Variants in KPNA5 observed in about 807,000 individuals in gnomAD.
KPNA5 encodes karyopherin subunit alpha 5, also known as importin subunit alpha-6.
Under a neutral mutation model 71.3 loss-of-function variants are expected in KPNA5, and 46 were observed. The observed-to-expected ratio is 0.65, with a 90% CI of 0.51 to 0.83. The LOEUF (loss-of-function observed/expected upper bound fraction) is 0.83, where lower values mean the gene tolerates loss of function less well. Among genes scored for constraint, KPNA5 ranks in the 40% least tolerant of loss-of-function variants. The pLI is 0.00. For synonymous variants in KPNA5, 207 were observed against 201.4 expected (o/e 1.03, Z -0.24); for missense variants, 547 against 628.3 (o/e 0.87, Z 1.38).
rs537374263 is a variant in KPNA5 at position 116,701,714 on chromosome 6, CAGG to C, written c.436-302_436-300del. ...GAATGCTTGCCTCTGTAATAATAAA[CAGG>C]AGTTTTATGCATTATAAATTCAAAG... On this transcript the variant is annotated intron_variant, in intron 5 of 13. Coordinates refer to ENST00000368564, the MANE Select transcript of KPNA5 (RefSeq NM_001366306.2). Among the ~76,000 whole-genome samples the C allele has an allele frequency of 1.9e-3, 286 of 152,182 alleles. 1 individual carries two copies. The highest frequency in any genetic ancestry group is 6.1e-3 in the African/African-American group (254 of 41,538).
rs537217610 is a variant in KPNA5 at position 116,681,232 on chromosome 6, C to G, written c.-103C>G. ...CGCCATCTTGGATTGCGAACTGGGT[C>G]GCTACGCTTCACGCCAGGGGCGGAG... On this transcript the variant is annotated 5_prime_UTR_variant, in exon 1 of 14. Coordinates refer to ENST00000368564, the MANE Select transcript of KPNA5 (RefSeq NM_001366306.2). 8 of 1,510,422 alleles carry G rather than the reference C, an allele frequency of 5.3e-6. No homozygotes were observed. The highest frequency in any genetic ancestry group is 6.4e-6 in the Non-Finnish European group (7 of 1,097,416). The allele number at this position is 1,510,422 out of a possible 1,614,324, so 93.6% of individuals were successfully genotyped here.
chr6:116,682,612 G>T (rs1161060681), intron 1 of KPNA5, among the ~76,000 whole-genome samples: 1 of 152,080 alleles, frequency 6.6e-6, no homozygotes, highest in Non-Finnish European at 1.5e-5. Flanking sequence ...GGAAATGAAG[G>T]CTTTACTGGC....
chr6:116,688,966 C>A (rs1038930719), intron 1 of KPNA5, among the ~76,000 whole-genome samples: 1 of 151,714 alleles, frequency 6.6e-6, no homozygotes, highest in African/African-American at 2.4e-5. Flanking sequence ...TTTTTTTAAC[C>A]CAAATAATTC....
In KPNA5 at chr6:116,741,018, A is replaced by G. The variant is rs967143896; in HGVS notation, c.*8695A>G. On this transcript the variant is annotated 3_prime_UTR_variant, in exon 14 of 14. Transcript: ENST00000368564. ...ATAAAAAAAAAAGAAATGTACTTTTAAATTTCAGACCTTAAAAATATGCCA... is the reference window on the plus strand; with the variant it reads ...ATAAAAAAAAAAGAAATGTACTTTTGAATTTCAGACCTTAAAAATATGCCA... 4.1e-5 allele frequency: 6 copies of G among 145,000 alleles called. No homozygotes were observed. The highest frequency in any genetic ancestry group is 7.6e-5 in the Non-Finnish European group (5 of 66,184). The allele number at this position is 145,000 out of a possible 1,614,324, so 9.0% of individuals were successfully genotyped here. A position where few individuals can be genotyped will look rare whatever the true frequency, so the allele number is the denominator to read the frequency against.
rs1227937903 is a variant in KPNA5 at position 116,740,520 on chromosome 6, T to C, written c.*8197T>C. The stretch of plus-strand genomic sequence containing the variant: ...TATATACCCAAAGGAATATAAATCA[T>C]GCTGCTATAAAGACACATGCACACA... On this transcript the variant is annotated 3_prime_UTR_variant, in exon 14 of 14. Coordinates refer to ENST00000368564, the MANE Select transcript of KPNA5 (RefSeq NM_001366306.2). The C allele has an allele frequency of 1.3e-5, 2 of 152,200 alleles. No homozygotes were observed. The highest frequency in any genetic ancestry group is 4.8e-5 in the African/African-American group (2 of 41,454). The allele number at this position is 152,200 out of a possible 1,614,324, so 9.4% of individuals were successfully genotyped here.
intron 5 of KPNA5, among the ~76,000 whole-genome samples, chr6:116,699,272 A>T (rs1778143760): frequency 6.6e-6 from 1 of 152,104 alleles, no homozygotes; most frequent in South Asian, 2.1e-4. Flanking sequence ...TTGGTTCTCA[A>T]CCATGATATA....
At position 116,734,563 on chromosome 6, in the gene KPNA5, G is replaced by C. The variant is rs974821532; in HGVS notation, c.*2240G>C. On this transcript the variant is annotated 3_prime_UTR_variant, in exon 14 of 14. Transcript: ENST00000368564. ...GCAAAGAGCACTGTATAGCAGTTGG[G>C]ACCAGCTCTTGGCTTGGCTTGGCTT... is the stretch of plus-strand genomic sequence containing the variant. 2.0e-5 allele frequency: 3 copies of C among 151,368 alleles called. No individual in the cohort carries two copies. The highest frequency in any genetic ancestry group is 4.4e-5 in the Non-Finnish European group (3 of 67,624). The allele number at this position is 151,368 out of a possible 1,614,324, so 9.4% of individuals were successfully genotyped here. A position where few individuals can be genotyped will look rare whatever the true frequency, so the allele number is the denominator to read the frequency against.
chr6:116,727,947 A>G (rs1328995388), intron 12 of KPNA5, among the ~76,000 whole-genome samples: 2 of 152,162 alleles, frequency 1.3e-5, no homozygotes, highest in Non-Finnish European at 2.9e-5. Flanking sequence ...TTCAATTTAT[A>G]AAACAAGTCA....
rs928319805 is a variant in KPNA5, at chr6:116,738,537, G to A, written c.*6214G>A. Reference sequence around the variant, plus strand: ...CATCCTGATACCAAAGCTGGGCAGAGACACAACCAAAAAAGAGAATTTTAG... The same window carrying A: ...CATCCTGATACCAAAGCTGGGCAGAAACACAACCAAAAAAGAGAATTTTAG... On this transcript the variant is annotated 3_prime_UTR_variant, in exon 14 of 14. Coordinates refer to ENST00000368564, the MANE Select transcript of KPNA5 (RefSeq NM_001366306.2). 6.6e-6 allele frequency: 1 copy of A among 152,090 alleles called. No homozygotes were observed. Among genetic ancestry groups the A allele is most frequent in the Non-Finnish European group, 1.5e-5 (1 of 68,016 alleles). 9.4% of individuals were successfully genotyped at this position (152,090 alleles called of 1,614,324 possible).
At chr6:116,695,933 T>C (rs1778011076) in intron 4 of KPNA5, among the ~76,000 whole-genome samples, 1 of 152,178 alleles carries the variant, frequency 6.6e-6, no homozygotes, top group South Asian at 2.1e-4. Context: ...ATTGAATTCT[T>C]TATCTTGATT....
intron 4 of KPNA5, among the ~76,000 whole-genome samples, chr6:116,694,207 C>T (rs1777926710): frequency 6.6e-6 from 1 of 152,128 alleles, no homozygotes; most frequent in South Asian, 2.1e-4. Flanking sequence ...TTAGGATTAT[C>T]TTGGCAATGC....
At chr6:116,698,211 A>G (rs982188627) in intron 4 of KPNA5, among the ~76,000 whole-genome samples, 1 of 152,026 alleles carries the variant, frequency 6.6e-6, no homozygotes. Context: ...CATTTCATGA[A>G]AATTTATCAG....
At chr6:116,729,996 T>C (rs1290313343) in intron 13 of KPNA5, among the ~76,000 whole-genome samples, 3 of 151,178 alleles carry the variant, frequency 2.0e-5, no homozygotes, top group South Asian at 4.2e-4. Flanking sequence ...CTTTTTAACA[T>C]TTTGGAGAAA....
At position 116,736,533 on chromosome 6, in the gene KPNA5, T is replaced by C. The variant is rs953815522; in HGVS notation, c.*4210T>C. On this transcript the variant is annotated 3_prime_UTR_variant, in exon 14 of 14. Transcript: ENST00000368564. ...GGAGTGCAGGGCTACAGTATGTTTT[T>C]TAAATCACGTGAGAGTAACACAAAG... 6.6e-6 allele frequency: 1 copy of C among 152,036 alleles called. No homozygotes were observed. Among genetic ancestry groups the C allele is most frequent in the Non-Finnish European group, 1.5e-5 (1 of 67,926 alleles). The allele number at this position is 152,036 out of a possible 1,614,324, so 9.4% of individuals were successfully genotyped here. A position where few individuals can be genotyped will look rare whatever the true frequency, so the allele number is the denominator to read the frequency against.
At chr6:116,714,337 G>A (rs982955211) in intron 7 of KPNA5, among the ~76,000 whole-genome samples, 6 of 152,148 alleles carry the variant, frequency 3.9e-5, no homozygotes, top group African/African-American at 1.4e-4. Context: ...ACAGCAGAGA[G>A]TGCTTTAAAT....
chr6:116,732,298 C>A lies in KPNA5; in HGVS notation c.1595C>A (p.Ala532Glu). The change falls in exon 14 of 14, where the codon GCA becomes GAA. Residue 532 changes from alanine to glutamate, a missense_variant. Coordinates refer to ENST00000368564, the MANE Select transcript of KPNA5 (RefSeq NM_001366306.2). ...QQQFIFQQQEAPMDGFQL is the reference protein window; with the variant it reads ...QQQFIFQQQEEPMDGFQL ...CAGTTTATATTTCAGCAGCAGGAAG[C>A]ACCAATGGATGGATTTCAACTTTAA... is the stretch of plus-strand genomic sequence containing the variant. The A allele has an allele frequency of 6.6e-7, 1 of 1,518,172 alleles. No homozygotes were observed. The highest frequency in any genetic ancestry group is 1.4e-5 in the African/African-American group (1 of 71,150). 94.0% of individuals were successfully genotyped at this position (1,518,172 alleles called of 1,614,324 possible). A position where few individuals can be genotyped will look rare whatever the true frequency, so the allele number is the denominator to read the frequency against.
Position 116,740,130 on chromosome 6 carries a change from T to A in KPNA5, c.*7807T>A, listed in dbSNP as rs1779816726. 1 of 151,754 alleles carries A rather than the reference T, an allele frequency of 6.6e-6. No individual in the cohort carries two copies. The highest frequency in any genetic ancestry group is 2.4e-5 in the African/African-American group (1 of 41,372). 9.4% of individuals were successfully genotyped at this position (151,754 alleles called of 1,614,324 possible). A position where few individuals can be genotyped will look rare whatever the true frequency, so the allele number is the denominator to read the frequency against. The stretch of plus-strand genomic sequence containing the variant: ...AAGGGCTAATATCCAGAATCTACAA[T>A]GAACTCAAACAAATTTACAAGAAAA... On this transcript the variant is annotated 3_prime_UTR_variant, in exon 14 of 14. Coordinates refer to ENST00000368564, the MANE Select transcript of KPNA5 (RefSeq NM_001366306.2).
At position 116,708,428 on chromosome 6, in the gene KPNA5, T is replaced by G. The variant is rs148721357; in HGVS notation, c.656+3268T>G. Among the ~76,000 whole-genome samples, 30 of 152,314 alleles carry G rather than the reference T, an allele frequency of 2.0e-4. 1 individual carries two copies. The highest frequency in any genetic ancestry group is 7.2e-4 in the African/African-American group (30 of 41,570). On this transcript the variant is annotated intron_variant, in intron 7 of 13. Coordinates refer to ENST00000368564, the MANE Select transcript of KPNA5 (RefSeq NM_001366306.2). ...AACACATATTATCTGTTATTCTGAT[T>G]TAGATCATCTTAGTGGGTGTAAGTT...
intron 4 of KPNA5, among the ~76,000 whole-genome samples, chr6:116,696,536 T>C (rs1318717480): frequency 1.3e-5 from 2 of 152,166 alleles, no homozygotes; most frequent in Non-Finnish European, 2.9e-5. Flanking sequence ...GACTTAAGTC[T>C]GCGACGGTGA....
Sources: allele counts gnomAD v4.1 joint callset (sites outside exome capture counted in the v4.1 genomes callset), GRCh38; gene constraint gnomAD v4.1.1; transcripts MANE v1.5; gene names NCBI Gene and HGNC (gene_info 2026-07-23, HGNC 2026-07-21).